PRKCZ: variants seen among roughly 807,000 people sequenced by gnomAD.
PRKCZ encodes protein kinase C zeta type.
In PRKCZ, 33 loss-of-function variants were observed where a neutral mutation model predicts 79.5. The observed-to-expected ratio is 0.41, with a 90% CI of 0.31 to 0.55. The LOEUF (loss-of-function observed/expected upper bound fraction) is 0.55. Among genes scored for constraint, PRKCZ ranks in the 20% least tolerant of loss-of-function variants. The pLI is 0.19. For synonymous variants in PRKCZ, 342 were observed against 320.9 expected, an observed-to-expected ratio of 1.07 and a Z score of -0.70; for missense variants, 578 against 813.5, an observed-to-expected ratio of 0.71 and a Z score of 3.52.
chr1:2,145,783 G>A (rs1268528381), intron 6 of PRKCZ, among the ~76,000 whole-genome samples: 1 of 152,150 alleles, frequency 6.6e-6, no homozygotes, highest in Non-Finnish European at 1.5e-5. Flanking sequence ...AGGCATGGTG[G>A]TGCGCACCTG....
chr1:2,153,555 T>C (rs1400257260), intron 9 of PRKCZ, among the ~76,000 whole-genome samples: 1 of 152,120 alleles, frequency 6.6e-6, no homozygotes, highest in East Asian at 1.9e-4. Flanking sequence ...CAAAAGTGGG[T>C]GGCAGCGTCC....
At chr1:2,113,015 T>TA (rs1236852403) in intron 4 of PRKCZ, among the ~76,000 whole-genome samples, 1 of 152,200 alleles carries the variant, frequency 6.6e-6, no homozygotes, top group East Asian at 1.9e-4. Flanking sequence ...ATTTGTGACT[T>TA]ACAGTCATCA....
At chr1:2,134,417 A>C (rs1267881913) in intron 4 of PRKCZ, among the ~76,000 whole-genome samples, 1 of 152,150 alleles carries the variant, frequency 6.6e-6, no homozygotes, top group Non-Finnish European at 1.5e-5. Flanking sequence ...AAAGCTTCCC[A>C]TTGTACGTTC....
intron 16 of PRKCZ, 193 bp from the exon 17 acceptor site, chr1:2,184,390 A>G (rs2100588110): frequency 5.4e-6 from 3 of 553,068 alleles, no homozygotes; most frequent in East Asian, 6.3e-5. Context: ...TCAGCTCGAC[A>G]ACAATTTTTC....
At chr1:2,133,050 G>C (rs1675311560) in intron 4 of PRKCZ, among the ~76,000 whole-genome samples, 1 of 152,218 alleles carries the variant, frequency 6.6e-6, no homozygotes, top group African/African-American at 2.4e-5. Context: ...GGGAGAGTTT[G>C]TTCACCCTGC....
chr1:2,123,306 CGGTGGTGGTTAGGGTCAT>C (rs1672885186), intron 4 of PRKCZ, among the ~76,000 whole-genome samples: 1 of 4,882 alleles, frequency 2.0e-4, no homozygotes, highest in Non-Finnish European at 3.2e-4. Flanking sequence ...GTTAGGGTCA[CGGTGGTGGTTAGGGTCAT>C]GGTGGTGGTT....
At chr1:2,074,523 G>A (rs1204372339) in intron 4 of PRKCZ, among the ~76,000 whole-genome samples, 1 of 152,226 alleles carries the variant, frequency 6.6e-6, no homozygotes, top group Non-Finnish European at 1.5e-5. Flanking sequence ...CACGGGTGAA[G>A]TCTGGAGACC....
At chr1:2,083,680 T>C (rs1410647342) in intron 4 of PRKCZ, among the ~76,000 whole-genome samples, 1 of 151,858 alleles carries the variant, frequency 6.6e-6, no homozygotes, top group Non-Finnish European at 1.5e-5. Flanking sequence ...AGGCTTGGGG[T>C]GAATTCCAGT....
intron 4 of PRKCZ, among the ~76,000 whole-genome samples, chr1:2,069,636 C>T (rs1357996496): frequency 6.6e-6 from 1 of 152,224 alleles, no homozygotes; most frequent in African/African-American, 2.4e-5. Context: ...CTTTCTGCCA[C>T]TTCCCCTGGT....
intron 4 of PRKCZ, among the ~76,000 whole-genome samples, chr1:2,109,518 GCTCC>G (rs1669289867): frequency 6.6e-6 from 1 of 152,234 alleles, no homozygotes; most frequent in Non-Finnish European, 1.5e-5. Flanking sequence ...CCTAGACAGA[GCTCC>G]CTTGGACGGT....
rs551921494 is a variant in PRKCZ, at chr1:2,178,085, C to T, written c.1575+2772C>T. 6.6e-6 allele frequency among the ~76,000 whole-genome samples: 1 copy of T among 152,254 alleles called. No homozygotes were observed. The highest frequency in any genetic ancestry group is 2.1e-4 in the South Asian group (1 of 4,830). ...CATGTGACCTTGGCAGAAGGAAGGTCCTCCTCCCATTCACCCAACGCCTGC... is the reference window on the plus strand; with the variant it reads ...CATGTGACCTTGGCAGAAGGAAGGTTCTCCTCCCATTCACCCAACGCCTGC... On this transcript the variant is annotated intron_variant, in intron 16 of 17. Transcript: ENST00000378567. The surrounding 1 kb of genome is among the most constrained non-coding windows in gnomAD (Gnocchi z 4.3).
chr1:2,164,507 T>C (rs1190768232), intron 10 of PRKCZ, among the ~76,000 whole-genome samples: 1 of 152,050 alleles, frequency 6.6e-6, no homozygotes, highest in Non-Finnish European at 1.5e-5. Context: ...AGGGTGGGTG[T>C]CTGGATGGGC....
intron 16 of PRKCZ, among the ~76,000 whole-genome samples, chr1:2,180,452 T>C (rs1000691681): frequency 6.7e-6 from 1 of 148,264 alleles, no homozygotes; most frequent in African/African-American, 2.5e-5. Flanking sequence ...CACAGATGAC[T>C]CAGATGCACG....
At chr1:2,093,512 G>T (rs536631277) in intron 4 of PRKCZ, among the ~76,000 whole-genome samples, 1 of 152,254 alleles carries the variant, frequency 6.6e-6, no homozygotes, top group African/African-American at 2.4e-5. Flanking sequence ...GGCAGGGTGG[G>T]GGTCTCCTTG....
chr1:2,161,318 T>C (rs752660678), intron 10 of PRKCZ, among the ~76,000 whole-genome samples: 4 of 152,240 alleles, frequency 2.6e-5, no homozygotes, highest in African/African-American at 7.2e-5. Context: ...CCCACAAGGC[T>C]GTGCACGGGA....
chr1:2,115,405 C>T (rs1157478490), intron 4 of PRKCZ, among the ~76,000 whole-genome samples: 2 of 152,248 alleles, frequency 1.3e-5, no homozygotes, highest in African/African-American at 2.4e-5. Flanking sequence ...AGACGTTTCC[C>T]TCGCGTGGCC....
At chr1:2,117,998 CTTTT>C (rs1553152756) in intron 4 of PRKCZ, among the ~76,000 whole-genome samples, 1 of 65,058 alleles carries the variant, frequency 1.5e-5, no homozygotes, top group African/African-American at 6.2e-5. Context: ...CCTATTATTT[CTTTT>C]TTTTTTTTTT....
chr1:2,169,213 G>C (rs1011373545), intron 10 of PRKCZ: 3 of 480,572 alleles, frequency 6.2e-6, no homozygotes, highest in Admixed American at 4.6e-5. Flanking sequence ...CTCCCACCTG[G>C]TGACGGGCCA....
intron 4 of PRKCZ, among the ~76,000 whole-genome samples, chr1:2,062,804 A>C (rs545121991): frequency 6.7e-6 from 1 of 149,048 alleles, no homozygotes; most frequent in African/African-American, 2.5e-5. Flanking sequence ...TAGCCATTAA[A>C]ATTTAAAGGT....
Sources: allele counts gnomAD v4.1 joint callset (sites outside exome capture counted in the v4.1 genomes callset), GRCh38; gene constraint gnomAD v4.1.1; non-coding constraint Gnocchi (gnomAD v3.1); transcripts MANE v1.5; gene names NCBI Gene and HGNC (gene_info 2026-07-23, HGNC 2026-07-21).